ANPEP: variants seen among roughly 807,000 people sequenced by gnomAD.
ANPEP encodes aminopeptidase N.
ANPEP carries 70 observed loss-of-function variants against 114.6 expected under a neutral mutation model. That is an observed-to-expected ratio of 0.61 (90% CI 0.50 to 0.75). ANPEP has a LOEUF of 0.75. ANPEP is among the 30% of genes least tolerant of loss of function. The pLI is 0.00. For synonymous variants in ANPEP, 548 were observed against 522.3 expected (o/e 1.05, Z -0.67); for missense variants, 1,184 against 1,259.5 (o/e 0.94, Z 0.91).
In ANPEP at chr15:89,785,195, G is replaced by T. The variant is rs1321190199; in HGVS notation, c.*154C>A. 1 of 1,022,500 alleles carries T rather than the reference G, an allele frequency of 9.8e-7. No individual in the cohort carries two copies. The highest frequency in any genetic ancestry group is 1.4e-6 in the Non-Finnish European group (1 of 701,194). 63.3% of individuals were successfully genotyped at this position (1,022,500 alleles called of 1,614,324 possible). A position where few individuals can be genotyped will look rare whatever the true frequency, so the allele number is the denominator to read the frequency against. ...GCCTGGGTCATCAGGAACTAGACTG[G>T]CTCACAGGCAGAGAGAACGTGGGCT... On this transcript the variant is annotated 3_prime_UTR_variant, in exon 21 of 21. Transcript: ENST00000300060.
chr15:89,803,705 G>A lies in ANPEP; in HGVS notation c.1379C>T (p.Ser460Leu), dbSNP rs764118324. The A allele has an allele frequency of 2.5e-5, 40 of 1,613,200 alleles. No individual in the cohort carries two copies. In the Admixed American group the frequency reaches 4.0e-4, roughly 16 times the overall value. The change falls in exon 8 of 21, where the codon TCG (serine) becomes TTG (leucine). Residue 460 changes from serine (S) to leucine (L), a missense_variant. Coordinates refer to ENST00000300060, the MANE Select transcript of ANPEP (RefSeq NM_001150.3). This position sits in a 1 kb window ranked among gnomAD's most constrained non-coding sequence, Gnocchi z 4.2. ...ASSHPLSTPASEINTPAQISE... is the reference protein window; with the variant it reads ...ASSHPLSTPALEINTPAQISE... ...GATCTGGGCCGGCGTGTTGATCTCCGAGGCGGGTGTGGACAGCGGGTGGGA... is the reference window on the plus strand; with the variant it reads ...GATCTGGGCCGGCGTGTTGATCTCCAAGGCGGGTGTGGACAGCGGGTGGGA...
chr15:89,791,095 T>TA lies in ANPEP; in HGVS notation c.2529-3dup, dbSNP rs758736666. ...GGGTTCAGGGTGTAGCTCAGGTACC[T>TA]AAGAGGGCCAGATGCTGTCTCAGCT... On this transcript the variant is annotated splice_region_variant and splice_polypyrimidine_tract_variant and intron_variant, in intron 18 of 20. Coordinates refer to ENST00000300060, the MANE Select transcript of ANPEP (RefSeq NM_001150.3). 2 of 1,613,968 alleles carry TA rather than the reference T, an allele frequency of 1.2e-6. No homozygotes were observed. Among genetic ancestry groups the TA allele is most frequent in the Non-Finnish European group, 1.7e-6 (2 of 1,179,892 alleles).
Position 89,803,755 on chromosome 15 carries a change from CACGCGGT to C in ANPEP, c.1322_1328del (p.Tyr441Ter). The C allele has an allele frequency of 6.2e-7, 1 of 1,609,216 alleles. No homozygotes were observed. ...AGGAGGCCAGTGCATCCACTGCCAT[CACGCGGT>C]ACACATCATTCAGCACCATGAGGTC... On this transcript the variant is annotated frameshift_variant, in exon 8 of 21. Transcript: ENST00000300060. LOFTEE classifies it high-confidence loss of function. The surrounding 1 kb of genome is among the most constrained non-coding windows in gnomAD (Gnocchi z 4.2).
intron 20 of ANPEP, among the ~76,000 whole-genome samples, 195 bp downstream of exon 20, chr15:89,790,265 A>C (rs146343256): frequency 6.6e-6 from 1 of 152,332 alleles, no homozygotes; most frequent in Non-Finnish European, 1.5e-5. Context: ...TGCCTATACA[A>C]AAATCCCAAG....
At position 89,803,870 on chromosome 15, in the gene ANPEP, C is replaced by G. The variant is rs751273565; in HGVS notation, c.1293+19G>C. ...TCCCTCCATGCCCCCCGCACCAGACCCCTGGGCAGCTGGCTTACCAAGTTC... is the reference window on the plus strand; with the variant it reads ...TCCCTCCATGCCCCCCGCACCAGACGCCTGGGCAGCTGGCTTACCAAGTTC... On this transcript the variant is annotated intron_variant, in intron 7 of 20. Coordinates refer to ENST00000300060, the MANE Select transcript of ANPEP (RefSeq NM_001150.3). This position sits in a 1 kb window ranked among gnomAD's most constrained non-coding sequence, Gnocchi z 4.2. 4.3e-6 allele frequency: 7 copies of G among 1,614,114 alleles called. No homozygotes were observed. The South Asian group carries it at 6.6e-5, about 15-fold the overall frequency.
rs143594116 is a variant in ANPEP at position 89,792,260 on chromosome 15, C to T, written c.2428G>A (p.Asp810Asn). The T allele has an allele frequency of 1.7e-4, 281 of 1,614,236 alleles. 1 individual carries two copies. The African/African-American group carries it at 2.2e-3, about 12-fold the overall frequency. The part of the protein sequence containing the change: ...AIAQGGEEEW[D>N]FAWEQFRNAT... ...TTTCGGAACTGCTCCCAGGCGAAGT[C>T]CCACTCCTCCTCCCCGCCCTGGGCG... is the stretch of plus-strand genomic sequence containing the variant. The change falls in exon 18 of 21, where the codon GAC becomes AAC. Residue 810 changes from aspartate to asparagine, a missense_variant. Physicochemically the swap from Asp to Asn is conservative, Grantham distance 23. Transcript: ENST00000300060.
At chr15:89,801,056 C>G in intron 12 of ANPEP, 55 bp downstream of exon 12, 1 of 1,519,202 alleles carries the variant, frequency 6.6e-7, no homozygotes, top group Non-Finnish European at 9.1e-7. Context: ...GAACATGGGC[C>G]AGGAGCTAGG....
At chr15:89,811,059 G>C (rs1033106623) in intron 1 of ANPEP, among the ~76,000 whole-genome samples, 1 of 152,204 alleles carries the variant, frequency 6.6e-6, no homozygotes, top group Admixed American at 6.5e-5. Flanking sequence ...TACACCTGGC[G>C]TGCAGTGGGA....
intron 1 of ANPEP, among the ~76,000 whole-genome samples, 157 bp downstream of exon 1, chr15:89,814,615 C>T (rs1055180124): frequency 2.0e-5 from 3 of 152,200 alleles, no homozygotes; most frequent in African/African-American, 7.2e-5. Context: ...TTCCCTGGCC[C>T]TCAGTTTACC....
intron 10 of ANPEP, 81 bp from the exon 11 acceptor site, chr15:89,801,688 C>A: frequency 6.6e-7 from 1 of 1,518,476 alleles, no homozygotes; most frequent in Non-Finnish European, 8.9e-7. Context: ...CAGATTCTCG[C>A]CTCGACCCCG....
At chr15:89,813,251 A>G (rs1894847030) in intron 1 of ANPEP, among the ~76,000 whole-genome samples, 1 of 152,172 alleles carries the variant, frequency 6.6e-6, no homozygotes, top group Non-Finnish European at 1.5e-5. Context: ...CCCAGTTCCA[A>G]CACCTTGGCT....
At chr15:89,790,280 A>T (rs1968594540) in intron 20 of ANPEP, among the ~76,000 whole-genome samples, 180 bp downstream of exon 20, 1 of 152,132 alleles carries the variant, frequency 6.6e-6, no homozygotes, top group Non-Finnish European at 1.5e-5. Flanking sequence ...CCCAAGATGA[A>T]TTTTTTAAAT....
chr15:89,789,991 G>A (rs1248960149), intron 20 of ANPEP, among the ~76,000 whole-genome samples: 2 of 150,628 alleles, frequency 1.3e-5, no homozygotes, highest in South Asian at 2.1e-4. Context: ...CCCGGGAGGC[G>A]GAGCTTGCAG....
intron 12 of ANPEP, among the ~76,000 whole-genome samples, chr15:89,800,857 A>T (rs894522348): frequency 6.6e-6 from 1 of 152,100 alleles, no homozygotes; most frequent in African/African-American, 2.4e-5. Flanking sequence ...CTGGCCTAGG[A>T]TTCTCTCCTT....
chr15:89,807,684 G>A (rs1894743080), intron 1 of ANPEP, among the ~76,000 whole-genome samples: 1 of 152,200 alleles, frequency 6.6e-6, no homozygotes, highest in South Asian at 2.1e-4. Context: ...CTGGGTGACA[G>A]AGTGAGACTC....
At chr15:89,792,840 G>A (rs1968658647) in intron 16 of ANPEP, among the ~76,000 whole-genome samples, 195 bp downstream of exon 16, 1 of 152,176 alleles carries the variant, frequency 6.6e-6, no homozygotes, top group African/African-American at 2.4e-5. Context: ...TTCAGTTTGG[G>A]TCTTTGTATA....
chr15:89,796,118 A>G (rs540220263), intron 15 of ANPEP, among the ~76,000 whole-genome samples: 1 of 152,360 alleles, frequency 6.6e-6, no homozygotes, highest in East Asian at 1.9e-4. Context: ...GGAGAGACTG[A>G]GGCAGGAGGA....
intron 3 of ANPEP, 36 bp downstream of exon 3, chr15:89,805,285 C>A (rs1450767008): frequency 1.7e-5 from 27 of 1,612,782 alleles, no homozygotes; most frequent in Non-Finnish European, 2.2e-5. Context: ...GGGTGCCTGC[C>A]CCCTGGCCCT....
At position 89,806,528 on chromosome 15, in the gene ANPEP, C is replaced by T; in HGVS notation, c.56G>A (p.Gly19Asp). Residue 19 changes from glycine to aspartate, a missense_variant, in exon 2 of 21, where the codon GGC becomes GAC. Gly to Asp is a moderately conservative substitution (Grantham distance 94). Coordinates refer to ENST00000300060, the MANE Select transcript of ANPEP (RefSeq NM_001150.3). This position sits in a 1 kb window ranked among gnomAD's most constrained non-coding sequence, Gnocchi z 5.7. ...GATGATTGTGCACACGGCTGCCACG[C>T]CCAGGAGGATCCCCAGGATGCCCAG... ...KSLGILGILL[G>D]VAAVCTIIAL... 1 of 1,613,110 alleles carries T rather than the reference C, an allele frequency of 6.2e-7. No homozygotes were observed. The highest frequency in any genetic ancestry group is 8.5e-7 in the Non-Finnish European group (1 of 1,179,244).
Sources: allele counts gnomAD v4.1 joint callset (sites outside exome capture counted in the v4.1 genomes callset), GRCh38; gene constraint gnomAD v4.1.1; non-coding constraint Gnocchi (gnomAD v3.1); transcripts MANE v1.5; gene names NCBI Gene and HGNC (gene_info 2026-07-23, HGNC 2026-07-21).